Variants in ETV7 observed in about 807,000 individuals in gnomAD.
ETV7 encodes the protein ETS variant transcription factor 7.
Under a neutral mutation model 39.1 loss-of-function variants are expected in ETV7, and 43 were observed. The ratio of observed to expected loss-of-function variants is 1.10; its 90% CI spans 0.86 to 1.42. The LOEUF (loss-of-function observed/expected upper bound fraction) is 1.42, where lower values mean the gene tolerates loss of function less well. ETV7 is among the 40% of genes most tolerant of loss of function. The pLI, the probability that ETV7 is intolerant of heterozygous loss-of-function variation, is 0.00. For missense variants in ETV7, 432 were observed against 442.3 expected (o/e 0.98, Z 0.21); for synonymous variants, 196 against 176.6 (o/e 1.11, Z -0.87).
rs10664403 is a variant in ETV7, at chr6:36,369,906, T to TAAA, written c.665-838_665-836dup. ...GGCAACAGAGTGAGACCCTGTCTCT[T>TAAA]AAAAAAAAAAAAACCCAGTAATTGT... is the stretch of plus-strand genomic sequence containing the variant. On this transcript the variant is annotated intron_variant, in intron 5 of 7. Transcript: ENST00000340181. Among the ~76,000 whole-genome samples, 155 of 146,224 alleles carry TAAA rather than the reference T, an allele frequency of 1.1e-3. 4 individuals carry two copies. In the South Asian group the frequency reaches 0.02, roughly 19 times the overall value.
At chr6:36,374,151 A>G (rs1249060428) in intron 3 of ETV7, among the ~76,000 whole-genome samples, 1 of 152,160 alleles carries the variant, frequency 6.6e-6, no homozygotes, top group Non-Finnish European at 1.5e-5. Flanking sequence ...TGAACCCAGG[A>G]GTTTGAGACC....
At chr6:36,364,962 TAAG>T (rs1772665597), downstream of ETV7, among the ~76,000 whole-genome samples, 1 of 152,204 alleles carries the variant, frequency 6.6e-6, no homozygotes, top group Non-Finnish European at 1.5e-5. Context: ...CAGATAGGAC[TAAG>T]CCTGGAGTTT....
chr6:36,387,296 T>C (rs533098167), intron 1 of ETV7, among the ~76,000 whole-genome samples: 1 of 152,122 alleles, frequency 6.6e-6, no homozygotes, highest in East Asian at 1.9e-4. Flanking sequence ...GCAGGGGCTG[T>C]GCGTGATGCC....
chr6:36,384,510 T>G (rs780022281), intron 2 of ETV7, among the ~76,000 whole-genome samples: 3 of 152,164 alleles, frequency 2.0e-5, no homozygotes, highest in African/African-American at 7.2e-5. Flanking sequence ...CTTAGGGAAA[T>G]AGGATTTCCC....
At chr6:36,370,883 G>A (rs1052889875) in intron 5 of ETV7, among the ~76,000 whole-genome samples, 1 of 152,188 alleles carries the variant, frequency 6.6e-6, no homozygotes, top group African/African-American at 2.4e-5. Context: ...CCAGTGCTGT[G>A]TGATCTTGGA....
In ETV7 at chr6:36,376,009, C is replaced by G. The variant is rs772621074; in HGVS notation, c.169G>C (p.Glu57Gln). ...LRIQPALWSR[E>Q]DVLHWLRWAE... Reference sequence around the variant, plus strand: ...CAGCGCAGCCAGTGCAGCACGTCCTCCCTGCTCCACAGTGCGGGCTGGATG... The same window carrying G: ...CAGCGCAGCCAGTGCAGCACGTCCTGCCTGCTCCACAGTGCGGGCTGGATG... The change falls in exon 3 of 8, where the codon GAG (glutamate) becomes CAG (glutamine). Residue 57 changes from glutamate (E) to glutamine (Q), a missense_variant. Coordinates refer to ENST00000340181, the MANE Select transcript of ETV7 (RefSeq NM_016135.4). 3.1e-6 allele frequency: 5 copies of G among 1,608,080 alleles called. No individual in the cohort carries two copies. Among genetic ancestry groups the G allele is most frequent in the Non-Finnish European group, 4.2e-6 (5 of 1,179,720 alleles).
At chr6:36,360,282 G>A (rs958507830) in intron 7 of ETV7, among the ~76,000 whole-genome samples, 2 of 152,174 alleles carry the variant, frequency 1.3e-5, no homozygotes, top group South Asian at 2.1e-4. Flanking sequence ...ATCTGTAAGA[G>A]GCCTCATCTA....
downstream of ETV7, among the ~76,000 whole-genome samples, chr6:36,363,038 C>T (rs75148684): frequency 0.015 from 2,359 of 152,286 alleles, 50 homozygotes; most frequent in South Asian, 0.052. Flanking sequence ...TTCGCTCTGG[C>T]GGCAGTTCCC....
At chr6:36,376,072 C>T (rs375948383) in intron 2 of ETV7, 37 bp from the exon 3 acceptor site, 119 of 1,564,172 alleles carry the variant, frequency 7.6e-5, no homozygotes, top group South Asian at 1.0e-4. Flanking sequence ...CACTCCCCGT[C>T]GGGCCTCCTC....
intron 1 of ETV7, 133 bp from the exon 2 acceptor site, chr6:36,385,802 G>C (rs576723862): frequency 1.8e-5 from 17 of 922,418 alleles, no homozygotes; most frequent in Middle Eastern, 3.4e-4. Flanking sequence ...CAACCTTAAA[G>C]GTAGGAACCA....
chr6:36,386,145 T>G (rs575515175), intron 1 of ETV7, among the ~76,000 whole-genome samples: 1 of 152,228 alleles, frequency 6.6e-6, no homozygotes, highest in Non-Finnish European at 1.5e-5. Context: ...CTGACCAACA[T>G]AGTGAAACAT....
At chr6:36,361,765 T>C (rs1772495421), downstream of ETV7, among the ~76,000 whole-genome samples, 1 of 152,266 alleles carries the variant, frequency 6.6e-6, no homozygotes, top group African/African-American at 2.4e-5. Flanking sequence ...CTTTTTATTA[T>C]ACTCATTTTT....
intron 2 of ETV7, among the ~76,000 whole-genome samples, chr6:36,381,992 C>T (rs1295551344): frequency 6.6e-6 from 1 of 152,194 alleles, no homozygotes; most frequent in Non-Finnish European, 1.5e-5. Flanking sequence ...CATTCCTTTT[C>T]ATTGCCAGGT....
intron 2 of ETV7, among the ~76,000 whole-genome samples, chr6:36,379,448 G>A (rs1212118395): frequency 1.3e-5 from 2 of 151,980 alleles, no homozygotes; most frequent in East Asian, 1.9e-4. Flanking sequence ...CTACTCAGAA[G>A]GCTGAGGAGG....
At chr6:36,370,591 C>G (rs2127389532) in intron 5 of ETV7, among the ~76,000 whole-genome samples, 1 of 152,104 alleles carries the variant, frequency 6.6e-6, no homozygotes, top group East Asian at 1.9e-4. Context: ...TGCTGAGTAC[C>G]TTGGTGACAG....
intron 7 of ETV7, among the ~76,000 whole-genome samples, chr6:36,355,181 T>C (rs1772304799): frequency 6.6e-6 from 1 of 152,210 alleles, no homozygotes; most frequent in Non-Finnish European, 1.5e-5. Context: ...GAAAAGCATC[T>C]AGTCGTTCAC....
At chr6:36,375,279 C>A (rs896763111) in intron 3 of ETV7, among the ~76,000 whole-genome samples, 1 of 152,068 alleles carries the variant, frequency 6.6e-6, no homozygotes, top group Admixed American at 6.6e-5. Context: ...TGAAAACAAG[C>A]CACACAAGAC....
chr6:36,366,754 TTTAGAAATC>T lies in ETV7; in HGVS notation c.909-1_916del. 1.9e-6 allele frequency: 3 copies of T among 1,614,032 alleles called. No homozygotes were observed. The highest frequency in any genetic ancestry group is 2.5e-6 in the Non-Finnish European group (3 of 1,180,000). ...GTCCTGGACCATCTTTCCCGGAGTC[TTTAGAAATC>T]TAGAATTCAGGCCCCAACTGCAAAT... On this transcript the variant is annotated splice_acceptor_variant and coding_sequence_variant, in exon 8 of 8. Coordinates refer to ENST00000340181, the MANE Select transcript of ETV7 (RefSeq NM_016135.4). LOFTEE classifies it high-confidence loss of function.
downstream of ETV7, chr6:36,366,159 G>A (rs1369343033): frequency 8.0e-6 from 8 of 994,670 alleles, no homozygotes; most frequent in Admixed American, 5.3e-5. Flanking sequence ...GGGTGACAGC[G>A]CAAGACTGTC....
Sources: allele counts gnomAD v4.1 joint callset (sites outside exome capture counted in the v4.1 genomes callset), GRCh38; gene constraint gnomAD v4.1.1; transcripts MANE v1.5; gene names NCBI Gene and HGNC (gene_info 2026-07-23, HGNC 2026-07-21).